The following AGAP2 variants were observed in gnomAD, a reference collection of about 807,000 sequenced individuals.
AGAP2 encodes arf-GAP with GTPase, ANK repeat and PH domain-containing protein 2.
In AGAP2, 32 loss-of-function variants were observed where a neutral mutation model predicts 110.9. The ratio of observed to expected loss-of-function variants is 0.29; its 90% confidence interval spans 0.22 to 0.39. The LOEUF (loss-of-function observed/expected upper bound fraction) is 0.39, where lower values mean the gene tolerates loss of function less well. Among genes scored for constraint, AGAP2 ranks in the 10% least tolerant of loss-of-function variants. The pLI, the probability that AGAP2 is intolerant of heterozygous loss-of-function variation, is 1.00. For missense variants in AGAP2, 1,285 were observed against 1,638.5 expected (o/e 0.78, Z 3.72); for synonymous variants, 702 against 713.0 (o/e 0.98, Z 0.25).
At chr12:57,729,524 G>T in intron 13 of AGAP2, 115 bp downstream of exon 13, 2 of 1,431,640 alleles carry the variant, frequency 1.4e-6, no homozygotes, top group Middle Eastern at 2.6e-4. Context: ...CAGTGGTAAT[G>T]GTAGTCAAGC....
chr12:57,737,860 G>T lies in AGAP2; in HGVS notation c.387C>A (p.Pro129=), dbSNP rs932350430. The change falls in exon 1 of 19, where the codon CCC becomes CCA. Residue 129 remains proline, a synonymous_variant. Transcript: ENST00000547588. The surrounding 1 kb of genome is among the most constrained non-coding windows in gnomAD (Gnocchi z 5.9). The part of the protein sequence containing the change: ...PGPPLSGGLS[P]DPKPGGAPTS... ...TGGGGGCGCCCCCAGGCTTGGGGTC[G>T]GGGCTCAGTCCCCCGGAGAGCGGGG... The T allele has an allele frequency of 4.8e-6, 7 of 1,451,066 alleles. No individual in the cohort carries two copies. The African/African-American group carries it at 7.4e-5, about 15-fold the overall frequency. The allele number at this position is 1,451,066 out of a possible 1,614,324, so 89.9% of individuals were successfully genotyped here.
rs200408465 is a variant in AGAP2, at chr12:57,737,399, G to C, written c.848C>G (p.Pro283Arg). ...AGGAGGAGAGCCGGCAGGCGGTCCC[G>C]GATGCAAGTCACTGTTGTCCAAGGT... ...SKTLDNSDLH[P>R]GPPAGSPPPL... The change falls in exon 1 of 19, where the codon CCG (proline) becomes CGG (arginine). Residue 283 changes from proline (P) to arginine (R), a missense_variant. This residue lies in a region of AGAP2 where 844 missense variants were observed against 941.2 expected (regional missense o/e 0.90). Coordinates refer to ENST00000547588, the MANE Select transcript of AGAP2 (RefSeq NM_001122772.3). The surrounding 1 kb of genome is among the most constrained non-coding windows in gnomAD (Gnocchi z 5.9). 6.2e-7 allele frequency: 1 copy of C among 1,613,702 alleles called. No individual in the cohort carries two copies. The highest frequency in any genetic ancestry group is 1.1e-5 in the South Asian group (1 of 91,088).
At position 57,738,433 on chromosome 12, in the gene AGAP2, G is replaced by T; in HGVS notation, c.-187C>A. On this transcript the variant is annotated 5_prime_UTR_variant, in exon 1 of 19. Transcript: ENST00000547588. This position sits in a 1 kb window ranked among gnomAD's most constrained non-coding sequence, Gnocchi z 6.7. ...GCGCCCCCCTCCCATCACATGGGGCGCCCCCTCCCCATGCTCCCCGCCCTG... is the reference window on the plus strand; with the variant it reads ...GCGCCCCCCTCCCATCACATGGGGCTCCCCCTCCCCATGCTCCCCGCCCTG... 4.0e-6 allele frequency: 2 copies of T among 500,840 alleles called. No individual in the cohort carries two copies. The highest frequency in any genetic ancestry group is 5.2e-6 in the Non-Finnish European group (2 of 386,740). 31.0% of individuals were successfully genotyped at this position (500,840 alleles called of 1,614,324 possible).
In AGAP2 at chr12:57,731,542, C is replaced by T; in HGVS notation, c.2040+14G>A. The T allele has an allele frequency of 6.2e-7, 1 of 1,614,146 alleles. No homozygotes were observed. Among genetic ancestry groups the T allele is most frequent in the Non-Finnish European group, 8.5e-7 (1 of 1,180,002 alleles). On this transcript the variant is annotated intron_variant, in intron 9 of 18. Coordinates refer to ENST00000547588, the MANE Select transcript of AGAP2 (RefSeq NM_001122772.3). ...CAGCTGCCCCTAGCCTGTCCCAGCC[C>T]CTGGATCACTCACCTGTTTGATGGG... is the stretch of plus-strand genomic sequence containing the variant.
At chr12:57,741,497 C>T (rs980865169), upstream of AGAP2, among the ~76,000 whole-genome samples, 7 of 152,082 alleles carry the variant, frequency 4.6e-5, no homozygotes, top group African/African-American at 1.7e-4. Flanking sequence ...CTCTCTACAG[C>T]TGGAGAACAA....
chr12:57,732,806 C>G, intron 6 of AGAP2, 39 bp downstream of exon 6: 1 of 1,612,060 alleles, frequency 6.2e-7, no homozygotes, highest in Non-Finnish European at 8.5e-7. Flanking sequence ...AGGCCCCTTG[C>G]TCTGGCTTCC....
In AGAP2 at chr12:57,732,838, CA is replaced by C; in HGVS notation, c.1684+6del. 6.2e-7 allele frequency: 1 copy of C among 1,613,814 alleles called. No homozygotes were observed. Among genetic ancestry groups the C allele is most frequent in the Non-Finnish European group, 8.5e-7 (1 of 1,180,010 alleles). ...TTCCCACATATGCTGGAGATCACTACACTCACCCTCCTGGAAGACCCGATCC... is the reference window on the plus strand; with the variant it reads ...TTCCCACATATGCTGGAGATCACTACCTCACCCTCCTGGAAGACCCGATCC... On this transcript the variant is annotated splice_donor_region_variant and intron_variant, in intron 6 of 18. Coordinates refer to ENST00000547588, the MANE Select transcript of AGAP2 (RefSeq NM_001122772.3).
At chr12:57,729,417 G>A (rs553094369) in intron 13 of AGAP2, among the ~76,000 whole-genome samples, 4 of 151,926 alleles carry the variant, frequency 2.6e-5, no homozygotes, top group Admixed American at 6.5e-5. Context: ...CATGGACATC[G>A]TTGAGAACAG....
At position 57,734,679 on chromosome 12, in the gene AGAP2, C is replaced by T. The variant is rs780346883; in HGVS notation, c.1228G>A (p.Gly410Ser). The change falls in exon 3 of 19, where the codon GGT becomes AGT. Residue 410 changes from glycine (G) to serine (S), a missense_variant and splice_region_variant. Around this residue, in one of 7 missense-constraint regions of AGAP2, gnomAD observed 844 missense variants for 941.2 expected, o/e 0.90. Transcript: ENST00000547588. Reference protein sequence around the residue: ...LSRSIPELRLGVLGDARSGKS... With the variant: ...LSRSIPELRLSVLGDARSGKS... The stretch of plus-strand genomic sequence containing the variant: ...CCACTCCTGGCATCGCCCAGCACAC[C>T]CTGAGGGCAAGGTTGTGGAGCAGAA... 2.0e-5 allele frequency: 32 copies of T among 1,613,882 alleles called. No individual in the cohort carries two copies. Among genetic ancestry groups the T allele is most frequent in the Non-Finnish European group, 2.7e-5 (32 of 1,180,006 alleles).
intron 10 of AGAP2, 24 bp downstream of exon 10, chr12:57,731,342 T>A: frequency 6.3e-7 from 1 of 1,582,512 alleles, no homozygotes; most frequent in Non-Finnish European, 8.7e-7. Context: ...AGCTGGCCAA[T>A]GTGGCCCAGT....
At chr12:57,730,342 T>C in intron 12 of AGAP2, 153 bp downstream of exon 12, 1 of 1,097,410 alleles carries the variant, frequency 9.1e-7, no homozygotes, top group Non-Finnish European at 1.3e-6. Flanking sequence ...ACCATTATGA[T>C]AGACATGGTA....
chr12:57,727,395 C>A lies in AGAP2; in HGVS notation c.3045G>T (p.Thr1015=). 6.2e-7 allele frequency: 1 copy of A among 1,612,934 alleles called. No individual in the cohort carries two copies. ...DTANRVWESD[T]RGRAKPSRDS... is the part of the protein sequence containing the mutation. ...CCCGCGAGGGCTTGGCACGGCCTCG[C>A]GTGTCGCTTTCCCACACGCGGTTGG... is the stretch of plus-strand genomic sequence containing the variant. The change falls in exon 17 of 19, where the codon ACG becomes ACT. Residue 1015 remains threonine (T), a synonymous_variant. Transcript: ENST00000547588.
In AGAP2 at chr12:57,726,597, G is replaced by A. The variant is rs1358280672; in HGVS notation, c.3534C>T (p.Ser1178=). The change falls in exon 19 of 19, where the codon AGC becomes AGT. Residue 1178 remains serine, a synonymous_variant. Coordinates refer to ENST00000547588, the MANE Select transcript of AGAP2 (RefSeq NM_001122772.3). This position sits in a 1 kb window ranked among gnomAD's most constrained non-coding sequence, Gnocchi z 5.7. ...CGTCGGCGCGGCCCACGCTAGCGGC[G>A]CTGCTCCGGCGGCGGGGGCTGGGCG... ...TATPSPRRRS[S]AASVGRADAP... is the part of the protein sequence containing the mutation. The A allele has an allele frequency of 2.5e-6, 3 of 1,203,004 alleles. No individual in the cohort carries two copies. Among genetic ancestry groups the A allele is most frequent in the Non-Finnish European group, 3.1e-6 (3 of 969,316 alleles). The allele number at this position is 1,203,004 out of a possible 1,614,324, so 74.5% of individuals were successfully genotyped here.
At chr12:57,734,514 C>T (rs1278974981) in intron 3 of AGAP2, 78 bp downstream of exon 3, 1 of 1,591,968 alleles carries the variant, frequency 6.3e-7, no homozygotes, top group African/African-American at 1.3e-5. Flanking sequence ...CCCTGGTCTC[C>T]ACACCTGCCT....
chr12:57,734,779 G>A, intron 2 of AGAP2, 100 bp from the exon 3 acceptor site: 1 of 1,072,286 alleles, frequency 9.3e-7, no homozygotes, highest in Non-Finnish European at 1.4e-6. Context: ...AGTCATCCAA[G>A]CAGGACCCTA....
At position 57,727,347 on chromosome 12, in the gene AGAP2, C is replaced by T; in HGVS notation, c.3080+13G>A. The T allele has an allele frequency of 8.1e-6, 13 of 1,607,432 alleles. No individual in the cohort carries two copies. The highest frequency in any genetic ancestry group is 2.2e-5 in the East Asian group (1 of 44,670). ...TCAGCAACCCTCCCCCCGCTCTGTT[C>T]CCTCACGCTTACCGCGAAGAGTCCC... is the stretch of plus-strand genomic sequence containing the variant. On this transcript the variant is annotated intron_variant, in intron 17 of 18. Coordinates refer to ENST00000547588, the MANE Select transcript of AGAP2 (RefSeq NM_001122772.3).
rs987781057 is a variant in AGAP2, at chr12:57,732,826, T to C, written c.1684+19A>G. ...CCTTGCTCTGGCTTCCCACATATGC[T>C]GGAGATCACTACACTCACCCTCCTG... is the stretch of plus-strand genomic sequence containing the variant. On this transcript the variant is annotated intron_variant, in intron 6 of 18. Coordinates refer to ENST00000547588, the MANE Select transcript of AGAP2 (RefSeq NM_001122772.3). 33 of 1,613,646 alleles carry C rather than the reference T, an allele frequency of 2.0e-5. No individual in the cohort carries two copies. Among genetic ancestry groups the C allele is most frequent in the Non-Finnish European group, 2.8e-5 (33 of 1,179,982 alleles).
At chr12:57,733,333 G>A (rs754480718) in intron 5 of AGAP2, among the ~76,000 whole-genome samples, 2 of 152,086 alleles carry the variant, frequency 1.3e-5, no homozygotes, top group Non-Finnish European at 2.9e-5. Flanking sequence ...TGAACTGGTG[G>A]GAGGACACCA....
At chr12:57,728,132 G>A (rs772448882) in intron 14 of AGAP2, 47 bp from the exon 15 acceptor site, 4 of 1,557,756 alleles carry the variant, frequency 2.6e-6, no homozygotes, top group Admixed American at 1.9e-5. Context: ...AGTTCAAGCA[G>A]GGGCTGCCTT....
Sources: gnomAD v4.1 joint callset for allele counts (sites outside exome capture counted in the v4.1 genomes callset) on GRCh38, gnomAD v4.1.1 for gene constraint, gnomAD v4.1.1 regional missense constraint, Gnocchi (gnomAD v3.1) non-coding constraint, MANE v1.5 for transcripts, NCBI Gene and HGNC (gene_info 2026-07-23, HGNC 2026-07-21) for gene names.